The following P4HA3 variants were observed in gnomAD, a reference collection of about 807,000 sequenced individuals.
The protein encoded by P4HA3 is prolyl 4-hydroxylase subunit alpha 3, also known as prolyl 4-hydroxylase subunit alpha-3.
Under a neutral mutation model 66.7 loss-of-function variants are expected in P4HA3, and 60 were observed. That is an observed-to-expected ratio of 0.90 (90% CI 0.73 to 1.12). The LOEUF is 1.12. Ranked by LOEUF, P4HA3 falls within the 50% of genes most tolerant of loss-of-function variation. The probability of loss-of-function intolerance (pLI) is 0.00; values close to 1 mark genes in which losing one functional copy is unlikely to be tolerated. For synonymous variants in P4HA3, 263 were observed against 274.6 expected (o/e 0.96, Z 0.42); for missense variants, 683 against 685.8 (o/e 1.00, Z 0.05).
At chr11:74,286,441 GC>G in intron 5 of P4HA3, 50 bp from the exon 6 acceptor site, 1 of 1,463,746 alleles carries the variant, frequency 6.8e-7, no homozygotes, top group Non-Finnish European at 9.1e-7. Flanking sequence ...ACAAATACTG[GC>G]CCCAGGGAGT....
intron 12 of P4HA3, 36 bp downstream of exon 12, chr11:74,268,109 G>A (rs760401313): frequency 1.3e-6 from 2 of 1,568,938 alleles, no homozygotes; most frequent in Non-Finnish European, 1.8e-6. Flanking sequence ...TCTGCACCCT[G>A]TACCCCCTTC....
intron 3 of P4HA3, 129 bp from the exon 4 acceptor site, chr11:74,298,490 C>T: frequency 8.8e-7 from 1 of 1,138,296 alleles, no homozygotes; most frequent in Non-Finnish European, 1.2e-6. Context: ...CATTTTAATT[C>T]AATTTATTAA....
Position 74,311,418 on chromosome 11 carries a change from A to T in P4HA3, c.194T>A (p.Leu65Gln). 1 of 1,525,708 alleles carries T rather than the reference A, an allele frequency of 6.6e-7. No homozygotes were observed. Among genetic ancestry groups the T allele is most frequent in the South Asian group, 1.2e-5 (1 of 80,946 alleles). 94.5% of individuals were successfully genotyped at this position (1,525,708 alleles called of 1,614,324 possible). A position where few individuals can be genotyped will look rare whatever the true frequency, so the allele number is the denominator to read the frequency against. ...LRGEEARLRD[L>Q]TRFYDKVLSL... ...CCACTCGTCGTGCCCTCACCTAGTC[A>T]GGTCCCGCAGCCGCGCCTCCTCCCC... The change falls in exon 1 of 13, where the codon CTG becomes CAG. Residue 65 changes from leucine to glutamine, a missense_variant. By Grantham distance (113) the Leu-to-Gln change is moderately radical. Transcript: ENST00000331597.
intron 11 of P4HA3, among the ~76,000 whole-genome samples, chr11:74,268,864 T>C (rs1002212889): frequency 2.0e-5 from 3 of 152,218 alleles, no homozygotes; most frequent in Admixed American, 1.3e-4. Context: ...CCGTATCTAC[T>C]TCCTGTAGTC....
At chr11:74,309,632 T>C (rs1473925548) in intron 1 of P4HA3, among the ~76,000 whole-genome samples, 3 of 152,204 alleles carry the variant, frequency 2.0e-5, no homozygotes, top group Non-Finnish European at 4.4e-5. Context: ...CTCTGGGCTA[T>C]GAACAAAAAG....
intron 9 of P4HA3, among the ~76,000 whole-genome samples, chr11:74,274,000 C>T (rs543362141): frequency 1.3e-5 from 2 of 151,908 alleles, no homozygotes; most frequent in African/African-American, 2.4e-5. Flanking sequence ...AAGAGACATA[C>T]TCTTTTTTTT....
At chr11:74,270,380 T>G (rs1168573229) in intron 10 of P4HA3, among the ~76,000 whole-genome samples, 50 of 152,230 alleles carry the variant, frequency 3.3e-4, no homozygotes, top group Non-Finnish European at 2.9e-5. Flanking sequence ...GTTTCATCAC[T>G]GGTCTGTTCT....
At chr11:74,284,200 C>G (rs1355726531) in intron 7 of P4HA3, among the ~76,000 whole-genome samples, 3 of 152,230 alleles carry the variant, frequency 2.0e-5, no homozygotes, top group Non-Finnish European at 4.4e-5. Context: ...ATTTAGCACA[C>G]TTCCTAGGGG....
At chr11:74,287,378 G>A in intron 5 of P4HA3, 1 of 1,207,132 alleles carries the variant, frequency 8.3e-7, no homozygotes, top group Non-Finnish European at 1.1e-6. Context: ...GAAATTATAA[G>A]CCCAAACCCC....
chr11:74,273,380 A>G (rs1016863941), intron 10 of P4HA3, among the ~76,000 whole-genome samples, 165 bp downstream of exon 10: 2 of 152,222 alleles, frequency 1.3e-5, no homozygotes, highest in East Asian at 1.9e-4. Flanking sequence ...ATTTCTTTAC[A>G]TCTCCTACAG....
intron 5 of P4HA3, among the ~76,000 whole-genome samples, chr11:74,288,789 A>G (rs1305507236): frequency 6.6e-6 from 1 of 151,866 alleles, no homozygotes; most frequent in Non-Finnish European, 1.5e-5. Context: ...TCTCTACTAA[A>G]AATACAAAAA....
At position 74,283,224 on chromosome 11, in the gene P4HA3, C is replaced by T. The variant is rs188790276; in HGVS notation, c.1110+2585G>A. Reference sequence around the variant, plus strand: ...CCAAGATCTGTGCATGCTAAATGGACGACATGGCCATGAACATTTAAATCA... The same window carrying T: ...CCAAGATCTGTGCATGCTAAATGGATGACATGGCCATGAACATTTAAATCA... On this transcript the variant is annotated intron_variant, in intron 7 of 12. Transcript: ENST00000331597. 1.4e-4 allele frequency among the ~76,000 whole-genome samples: 22 copies of T among 152,048 alleles called. No individual in the cohort carries two copies. In the East Asian group the frequency reaches 3.1e-3, roughly 21 times the overall value.
At chr11:74,274,475 T>A (rs1176598349) in intron 9 of P4HA3, among the ~76,000 whole-genome samples, 1 of 151,142 alleles carries the variant, frequency 6.6e-6, no homozygotes, top group East Asian at 1.9e-4. Context: ...CCAGCTAATT[T>A]TTTTTTTTTT....
At chr11:74,267,343 G>A in intron 12 of P4HA3, 25 bp from the exon 13 acceptor site, 1 of 1,612,852 alleles carries the variant, frequency 6.2e-7, no homozygotes, top group Non-Finnish European at 8.5e-7. Context: ...GGAAGAAGGA[G>A]ACAGCAGGCT....
rs758079794 is a variant in P4HA3, at chr11:74,267,327, G to A, written c.1565-9C>T. On this transcript the variant is annotated splice_polypyrimidine_tract_variant and intron_variant, in intron 12 of 12. Transcript: ENST00000331597. ...TATCCACTTGTTGGCCACTGGGAGA[G>A]AACAGGGAAGAAGGAGACAGCAGGC... The A allele has an allele frequency of 2.5e-6, 4 of 1,613,764 alleles. No homozygotes were observed. The highest frequency in any genetic ancestry group is 3.4e-6 in the Non-Finnish European group (4 of 1,179,750).
At chr11:74,277,213 GAATGAATAAACA>G in intron 8 of P4HA3, 69 bp from the exon 9 acceptor site, 1 of 1,512,470 alleles carries the variant, frequency 6.6e-7, no homozygotes, top group African/African-American at 1.4e-5. Context: ...GTCTCTGAAT[GAATGAATAAACA>G]AATGAATTAT....
chr11:74,306,256 G>T (rs1861577985), intron 1 of P4HA3, among the ~76,000 whole-genome samples: 1 of 152,154 alleles, frequency 6.6e-6, no homozygotes, highest in Admixed American at 6.5e-5. Context: ...GGGCAGAAAT[G>T]GTAGGGCCTG....
downstream of P4HA3, among the ~76,000 whole-genome samples, chr11:74,263,825 C>A (rs1388734675): frequency 6.6e-6 from 1 of 152,102 alleles, no homozygotes; most frequent in East Asian, 1.9e-4. Flanking sequence ...CAGAACAGTG[C>A]AAGAAAGAAA....
intron 9 of P4HA3, 68 bp downstream of exon 9, chr11:74,276,917 T>C: frequency 1.4e-6 from 2 of 1,460,972 alleles, no homozygotes; most frequent in East Asian, 4.7e-5. Context: ...ACAAGAGCTC[T>C]GCCTCAGAGA....
Sources: allele counts gnomAD v4.1 joint callset (sites outside exome capture counted in the v4.1 genomes callset), GRCh38; gene constraint gnomAD v4.1.1; transcripts MANE v1.5; gene names NCBI Gene and HGNC (gene_info 2026-07-23, HGNC 2026-07-21).